CNGB3: variants seen among roughly 807,000 people sequenced by gnomAD.
The protein encoded by CNGB3 is cyclic nucleotide gated channel subunit beta 3.
A neutral mutation model predicts 92.8 loss-of-function variants in CNGB3; 86 were observed. The observed-to-expected ratio is 0.93, with a 90% CI of 0.78 to 1.11. CNGB3 has a LOEUF of 1.11. Ranked by LOEUF, CNGB3 falls within the 50% of genes least tolerant of loss-of-function variation. The pLI is 0.00. For missense variants in CNGB3, 1,026 were observed against 956.8 expected, an observed-to-expected ratio of 1.07 and a Z score of -0.95; for synonymous variants, 333 against 332.7, an observed-to-expected ratio of 1.00 and a Z score of -0.01.
At chr8:86,700,154 G>A (rs533612737) in intron 3 of CNGB3, among the ~76,000 whole-genome samples, 31 of 152,272 alleles carry the variant, frequency 2.0e-4, no homozygotes, top group Admixed American at 7.8e-4. Flanking sequence ...CATTGTATGA[G>A]AAGCAATGTT....
intron 3 of CNGB3, among the ~76,000 whole-genome samples, chr8:86,677,725 T>A (rs1424529241): frequency 2.0e-5 from 3 of 152,174 alleles, no homozygotes; most frequent in Non-Finnish European, 4.4e-5. Context: ...GTCAGTGGCA[T>A]CTTATGCTGC....
In CNGB3 at chr8:86,743,527, C is replaced by G; in HGVS notation, c.101G>C (p.Ser34Thr). Residue 34 changes from serine to threonine, a missense_variant, in exon 1 of 18, where the codon AGT (serine) becomes ACT (threonine). By Grantham distance (58) the Ser-to-Thr change is moderately conservative (BLOSUM62 1). Coordinates refer to ENST00000320005, the MANE Select transcript of CNGB3 (RefSeq NM_019098.5). ...TGCTGTGGTTTGCTGAGACTGATTACTTGGGTGAGAGCCTTCTTCATTCCG... is the reference window on the plus strand; with the variant it reads ...TGCTGTGGTTTGCTGAGACTGATTAGTTGGGTGAGAGCCTTCTTCATTCCG... ...SRRNEEGSHP[S>T]NQSQQTTAQE... 6.2e-7 allele frequency: 1 copy of G among 1,613,956 alleles called. No individual in the cohort carries two copies. Among genetic ancestry groups the G allele is most frequent in the Non-Finnish European group, 8.5e-7 (1 of 1,179,884 alleles).
chr8:86,709,389 T>C (rs908388832), intron 3 of CNGB3, among the ~76,000 whole-genome samples: 11 of 152,202 alleles, frequency 7.2e-5, no homozygotes, highest in African/African-American at 2.7e-4. Flanking sequence ...TGTCTGTCAA[T>C]GTCTTACAAA....
chr8:86,658,310 C>T lies in CNGB3; in HGVS notation c.853-4248G>A, dbSNP rs576342268. 2.6e-4 allele frequency: 131 copies of T among 495,096 alleles called. 1 individual carries two copies. The highest frequency in any genetic ancestry group is 1.4e-3 in the African/African-American group (69 of 50,528). The allele number at this position is 495,096 out of a possible 1,614,324, so 30.7% of individuals were successfully genotyped here. On this transcript the variant is annotated intron_variant, in intron 6 of 17. Coordinates refer to ENST00000320005, the MANE Select transcript of CNGB3 (RefSeq NM_019098.5). ...TGGCCTCCCGACTCTCCAGTTCCTCCGGGATGCTTGGCATGAGCGGAAGCG... is the reference window on the plus strand; with the variant it reads ...TGGCCTCCCGACTCTCCAGTTCCTCTGGGATGCTTGGCATGAGCGGAAGCG...
At chr8:86,732,701 A>G (rs1325087648) in intron 2 of CNGB3, among the ~76,000 whole-genome samples, 1 of 152,152 alleles carries the variant, frequency 6.6e-6, no homozygotes, top group Non-Finnish European at 1.5e-5. Context: ...TCAAACTAGA[A>G]AGCATGTAAT....
At chr8:86,611,022 T>C (rs571916686) in intron 14 of CNGB3, among the ~76,000 whole-genome samples, 1 of 152,338 alleles carries the variant, frequency 6.6e-6, no homozygotes, top group South Asian at 2.1e-4. Context: ...ACAAGCTTTA[T>C]CTATCCATCA....
intron 6 of CNGB3, chr8:86,658,529 C>T (rs2131606969): frequency 5.5e-6 from 2 of 365,490 alleles, no homozygotes; most frequent in Non-Finnish European, 5.2e-6. Context: ...GCTGGGTCTG[C>T]AGCAGTAACT....
chr8:86,601,553 T>TAAAA (rs1441542894), intron 15 of CNGB3, among the ~76,000 whole-genome samples: 1 of 152,138 alleles, frequency 6.6e-6, no homozygotes, highest in Non-Finnish European at 1.5e-5. Flanking sequence ...AGAACTCTTT[T>TAAAA]AAAGGCTACA....
At chr8:86,668,344 G>T (rs1050907247) in intron 4 of CNGB3, among the ~76,000 whole-genome samples, 176 bp from the exon 5 acceptor site, 1 of 151,838 alleles carries the variant, frequency 6.6e-6, no homozygotes, top group African/African-American at 2.4e-5. Context: ...CGGGGGGTGG[G>T]GGACAAGGGG....
intron 3 of CNGB3, among the ~76,000 whole-genome samples, chr8:86,693,435 AT>A (rs111516160): frequency 0.2 from 28,588 of 146,222 alleles, 3,566 homozygotes; most frequent in African/African-American, 0.35. Flanking sequence ...TATTATTATT[AT>A]TTATTTATTT....
At chr8:86,672,971 C>T (rs778737815) in intron 3 of CNGB3, among the ~76,000 whole-genome samples, 28 of 152,126 alleles carry the variant, frequency 1.8e-4, no homozygotes, top group Non-Finnish European at 4.0e-4. Context: ...GACACTAGGT[C>T]CATAAAGCCA....
intron 4 of CNGB3, among the ~76,000 whole-genome samples, chr8:86,669,281 A>G (rs1823811011): frequency 6.6e-6 from 1 of 152,238 alleles, no homozygotes; most frequent in Admixed American, 6.5e-5. Context: ...ACATTAAAAA[A>G]GAAAACAAAT....
In CNGB3 at chr8:86,596,726, C is replaced by T. The variant is rs78741473; in HGVS notation, c.1781+7367G>A. On this transcript the variant is annotated intron_variant, in intron 15 of 17. Transcript: ENST00000320005. Reference sequence around the variant, plus strand: ...ATAAAAATGGGGCTTTTCATGCACACGTATATTTATCGCTGCTCTGTTCAC... The same window carrying T: ...ATAAAAATGGGGCTTTTCATGCACATGTATATTTATCGCTGCTCTGTTCAC... 2.3e-3 allele frequency among the ~76,000 whole-genome samples: 357 copies of T among 152,186 alleles called. 3 individuals carry two copies. The highest frequency in any genetic ancestry group is 6.8e-3 in the Middle Eastern group (2 of 294).
chr8:86,720,701 T>C (rs143648736), intron 3 of CNGB3, among the ~76,000 whole-genome samples: 4 of 152,110 alleles, frequency 2.6e-5, no homozygotes, highest in Non-Finnish European at 5.9e-5. Flanking sequence ...TGCGCATGCA[T>C]GTTTATAGCA....
At chr8:86,722,957 G>A (rs780510441) in intron 3 of CNGB3, among the ~76,000 whole-genome samples, 1 of 152,072 alleles carries the variant, frequency 6.6e-6, no homozygotes, top group Non-Finnish European at 1.5e-5. Flanking sequence ...ATAATCGCAT[G>A]AGTCAATTCC....
intron 3 of CNGB3, among the ~76,000 whole-genome samples, chr8:86,695,362 A>T (rs1259951290): frequency 1.3e-5 from 1 of 77,726 alleles, no homozygotes; most frequent in African/African-American, 8.3e-5. Context: ...ATTTTTTAAA[A>T]AATTATTTTT....
intron 3 of CNGB3, among the ~76,000 whole-genome samples, chr8:86,724,343 A>T (rs189683130): frequency 7.2e-4 from 110 of 152,244 alleles, no homozygotes; most frequent in African/African-American, 2.6e-3. Context: ...TCTTGCTTTT[A>T]TCAAGAATTC....
intron 13 of CNGB3, among the ~76,000 whole-genome samples, chr8:86,613,825 G>A (rs986226456): frequency 1.3e-5 from 2 of 149,702 alleles, no homozygotes; most frequent in Non-Finnish European, 3.0e-5. Flanking sequence ...GGAAATATTA[G>A]TGATTTTAAA....
intron 3 of CNGB3, among the ~76,000 whole-genome samples, chr8:86,698,507 G>A (rs113099410): frequency 7.9e-5 from 12 of 152,122 alleles, no homozygotes; most frequent in African/African-American, 2.4e-4. Context: ...CCATTCCCTC[G>A]CTAGCACCTC....
Sources: allele counts gnomAD v4.1 joint callset (sites outside exome capture counted in the v4.1 genomes callset), GRCh38; gene constraint gnomAD v4.1.1; transcripts MANE v1.5; gene names NCBI Gene and HGNC (gene_info 2026-07-23, HGNC 2026-07-21).